SHLD1: variants seen among roughly 807,000 people sequenced by gnomAD.
SHLD1 encodes RINN1-REV7-interacting novel NHEJ regulator 3.
In SHLD1, 3 loss-of-function variants were observed where a neutral mutation model predicts 5.5. The observed-to-expected ratio is 0.54, with a 90% confidence interval of 0.25 to 1.40. The LOEUF is 1.40. SHLD1 is among the 40% of genes most tolerant of loss of function. The probability of loss-of-function intolerance (pLI) is 0.15; values close to 1 mark genes in which losing one functional copy is unlikely to be tolerated. For synonymous variants in SHLD1, 92 were observed against 94.3 expected (o/e 0.98, Z 0.14); for missense variants, 210 against 244.4 (o/e 0.86, Z 0.94).
intron 2 of SHLD1, among the ~76,000 whole-genome samples, chr20:5,827,753 A>G (rs1291451041): frequency 6.6e-6 from 1 of 152,148 alleles, no homozygotes; most frequent in Non-Finnish European, 1.5e-5. Flanking sequence ...CTCTCTGCAG[A>G]TTTCCCTTGC....
At chr20:5,792,693 A>G (rs2087158760) in intron 2 of SHLD1, among the ~76,000 whole-genome samples, 1 of 146,054 alleles carries the variant, frequency 6.8e-6, no homozygotes, top group African/African-American at 2.6e-5. Flanking sequence ...AAAAAAAAAG[A>G]AAAAGAGTCT....
chr20:5,781,894 A>G (rs1396302321), intron 2 of SHLD1, among the ~76,000 whole-genome samples: 1 of 152,158 alleles, frequency 6.6e-6, no homozygotes, highest in Non-Finnish European at 1.5e-5. Flanking sequence ...AATAACCAAT[A>G]CAGCAGTATT....
At chr20:5,800,999 A>G (rs530540736) in intron 2 of SHLD1, among the ~76,000 whole-genome samples, 2 of 151,986 alleles carry the variant, frequency 1.3e-5, no homozygotes, top group African/African-American at 4.8e-5. Flanking sequence ...TTAAAAAACT[A>G]TAGACTATTT....
rs185405381 is a variant in SHLD1 at position 5,818,116 on chromosome 20, G to C, written c.179-44908G>C. 2.0e-5 allele frequency among the ~76,000 whole-genome samples: 3 copies of C among 149,148 alleles called. No individual in the cohort carries two copies. In the Admixed American group the frequency reaches 2.0e-4, roughly 10 times the overall value. On this transcript the variant is annotated intron_variant, in intron 2 of 2. Transcript: ENST00000303142. ...TTTTTATTTTTTTTGAGACAGCCTT[G>C]CTCTGTTGGAGTGCAGTAGCACTAT...
At chr20:5,803,931 G>A (rs1454498041) in intron 2 of SHLD1, among the ~76,000 whole-genome samples, 1 of 151,724 alleles carries the variant, frequency 6.6e-6, no homozygotes, top group Non-Finnish European at 1.5e-5. Flanking sequence ...AGCAGGTGGT[G>A]TGGACTTGCT....
intron 1 of SHLD1, among the ~76,000 whole-genome samples, chr20:5,754,675 T>A (rs1343377929): frequency 1.3e-5 from 2 of 152,178 alleles, no homozygotes; most frequent in Non-Finnish European, 2.9e-5. Context: ...GTATAAATGT[T>A]TGGGGAGAGG....
Position 5,837,909 on chromosome 20 carries a change from A to G in SHLD1, c.179-25115A>G, listed in dbSNP as rs537890352. ...TATGTTTATTGAAAAGAATTCTCATATAAGTGGACCTGCACAGTTCAAACC... is the reference window on the plus strand; with the variant it reads ...TATGTTTATTGAAAAGAATTCTCATGTAAGTGGACCTGCACAGTTCAAACC... On this transcript the variant is annotated intron_variant, in intron 2 of 2. Transcript: ENST00000303142. Among the ~76,000 whole-genome samples, 341 of 152,368 alleles carry G rather than the reference A, an allele frequency of 2.2e-3. 3 individuals are homozygous for G. Among genetic ancestry groups the G allele is most frequent in the African/African-American group, 7.7e-3 (322 of 41,588 alleles).
At chr20:5,820,188 C>T (rs1382229592) in intron 2 of SHLD1, among the ~76,000 whole-genome samples, 7 of 152,006 alleles carry the variant, frequency 4.6e-5, no homozygotes, top group African/African-American at 7.2e-5. Flanking sequence ...TCAGGTGATC[C>T]GCCCACCTCG....
At chr20:5,820,117 T>G (rs1285841582) in intron 2 of SHLD1, among the ~76,000 whole-genome samples, 1 of 152,184 alleles carries the variant, frequency 6.6e-6, no homozygotes, top group Non-Finnish European at 1.5e-5. Context: ...CTGGCTGATT[T>G]TTCTATTTTT....
At chr20:5,784,746 G>A (rs1051406672) in intron 2 of SHLD1, among the ~76,000 whole-genome samples, 5 of 152,166 alleles carry the variant, frequency 3.3e-5, no homozygotes, top group East Asian at 1.9e-4. Flanking sequence ...CACCGCGCCC[G>A]GCCCAGAATT....
chr20:5,796,596 G>A (rs770189710), intron 2 of SHLD1, among the ~76,000 whole-genome samples: 1 of 152,052 alleles, frequency 6.6e-6, no homozygotes, highest in Non-Finnish European at 1.5e-5. Flanking sequence ...GGAGGCTAAG[G>A]CGGGTGGATC....
intron 2 of SHLD1, among the ~76,000 whole-genome samples, chr20:5,774,419 G>A (rs1484011543): frequency 4.6e-5 from 7 of 152,148 alleles, no homozygotes; most frequent in Non-Finnish European, 8.8e-5. Flanking sequence ...GAGTAATCAG[G>A]ATCAGTAAGT....
At chr20:5,809,677 C>T (rs575149544) in intron 2 of SHLD1, among the ~76,000 whole-genome samples, 1 of 152,186 alleles carries the variant, frequency 6.6e-6, no homozygotes, top group East Asian at 1.9e-4. Context: ...CAACCAGTGG[C>T]CGTTGCCCCG....
chr20:5,768,044 G>A (rs1006644097), intron 1 of SHLD1, among the ~76,000 whole-genome samples: 1 of 145,838 alleles, frequency 6.9e-6, no homozygotes, highest in Non-Finnish European at 1.5e-5. Context: ...GTGTGATCTC[G>A]GCTCACTGCG....
chr20:5,784,603 A>G, intron 2 of SHLD1, among the ~76,000 whole-genome samples: 1 of 151,690 alleles, frequency 6.6e-6, no homozygotes, highest in Non-Finnish European at 1.5e-5. Flanking sequence ...GGCGCCCGCC[A>G]CCACGCCCGG....
intron 2 of SHLD1, among the ~76,000 whole-genome samples, chr20:5,786,405 C>A (rs1191771177): frequency 4.6e-5 from 7 of 152,058 alleles, no homozygotes; most frequent in Admixed American, 4.6e-4. Context: ...AGCAAGACCT[C>A]GCCTCTACAA....
intron 1 of SHLD1, among the ~76,000 whole-genome samples, chr20:5,764,188 ATATTT>A (rs1201314126): frequency 3.8e-5 from 2 of 53,242 alleles, no homozygotes; most frequent in East Asian, 4.9e-4. Flanking sequence ...TTATATATAT[ATATTT>A]TATATATATA....
At chr20:5,791,467 G>A (rs558815797) in intron 2 of SHLD1, among the ~76,000 whole-genome samples, 65 of 150,710 alleles carry the variant, frequency 4.3e-4, no homozygotes, top group African/African-American at 1.5e-3. Flanking sequence ...CGGGAACTGA[G>A]CTGGGAGGAT....
intron 2 of SHLD1, among the ~76,000 whole-genome samples, chr20:5,826,045 G>C (rs1809994770): frequency 6.6e-6 from 1 of 152,216 alleles, no homozygotes; most frequent in Non-Finnish European, 1.5e-5. Context: ...CGGAGGTACT[G>C]TATGAGTGGT....
Sources: gnomAD v4.1 joint callset for allele counts (sites outside exome capture counted in the v4.1 genomes callset) on GRCh38, gnomAD v4.1.1 for gene constraint, MANE v1.5 for transcripts, NCBI Gene and HGNC (gene_info 2026-07-23, HGNC 2026-07-21) for gene names.